Variants in DOCK7 observed in about 807,000 individuals in gnomAD.
The protein encoded by DOCK7 is dedicator of cytokinesis 7, also known as dedicator of cytokinesis protein 7.
In DOCK7, 138 loss-of-function variants were observed where a neutral mutation model predicts 271.0. The ratio of observed to expected loss-of-function variants is 0.51; its 90% CI spans 0.44 to 0.59. The LOEUF is 0.59. Among genes scored for constraint, DOCK7 ranks in the 20% least tolerant of loss-of-function variants. DOCK7 has a pLI of 0.00. For missense variants in DOCK7, 2,066 were observed against 2,592.4 expected, an observed-to-expected ratio of 0.80 and a Z score of 4.41; for synonymous variants, 823 against 876.1, an observed-to-expected ratio of 0.94 and a Z score of 1.07.
chr1:62,601,882 G>A, intron 14 of DOCK7: 1 of 1,591,144 alleles, frequency 6.3e-7, no homozygotes, highest in East Asian at 2.2e-5. Context: ...TGTTATATCA[G>A]GTAAAACCTG....
At chr1:62,687,246 A>G (rs1572026174) in intron 1 of DOCK7, among the ~76,000 whole-genome samples, 2 of 152,254 alleles carry the variant, frequency 1.3e-5, no homozygotes, top group Admixed American at 6.5e-5. Context: ...TGTCTCATAC[A>G]TAAGTATACT....
At chr1:62,533,434 T>G (rs533244903) in intron 29 of DOCK7, among the ~76,000 whole-genome samples, 3 of 95,404 alleles carry the variant, frequency 3.1e-5, no homozygotes, top group East Asian at 9.4e-4. Context: ...CAGATTCCTT[T>G]ATTTATTTTT....
chr1:62,519,473 T>A (rs1360622949), intron 31 of DOCK7, among the ~76,000 whole-genome samples: 4 of 152,164 alleles, frequency 2.6e-5, no homozygotes, highest in Admixed American at 6.5e-5. Context: ...TTTTCATGAC[T>A]GAAAATTTAA....
chr1:62,487,209 C>T lies in DOCK7; in HGVS notation c.5508+189G>A, dbSNP rs749055336. 81 of 523,890 alleles carry T rather than the reference C, an allele frequency of 1.5e-4. No individual in the cohort carries two copies. In the Middle Eastern group the frequency reaches 2.3e-3, roughly 15 times the overall value. 32.5% of individuals were successfully genotyped at this position (523,890 alleles called of 1,614,324 possible). A position where few individuals can be genotyped will look rare whatever the true frequency, so the allele number is the denominator to read the frequency against. On this transcript the variant is annotated intron_variant, in intron 43 of 49. Coordinates refer to ENST00000635253, the MANE Select transcript of DOCK7 (RefSeq NM_001367561.1). ...CATATGGATTTCCATGCACTGCCTACGACCTCATAATAAGATATTTCTTAA... is the reference window on the plus strand; with the variant it reads ...CATATGGATTTCCATGCACTGCCTATGACCTCATAATAAGATATTTCTTAA...
chr1:62,590,149 G>A (rs887242468), intron 14 of DOCK7, among the ~76,000 whole-genome samples: 1 of 152,008 alleles, frequency 6.6e-6, no homozygotes, highest in African/African-American at 2.4e-5. Flanking sequence ...AAATTCAACG[G>A]GATTTAGCAA....
intron 18 of DOCK7, among the ~76,000 whole-genome samples, chr1:62,571,799 G>A (rs904238591): frequency 6.6e-6 from 1 of 152,098 alleles, no homozygotes; most frequent in African/African-American, 2.4e-5. Context: ...AACTAATGCA[G>A]GAACAGAAAA....
In DOCK7 at chr1:62,642,194, C is replaced by T. The variant is rs372273348; in HGVS notation, c.818+5497G>A. On this transcript the variant is annotated intron_variant, in intron 7 of 49. Coordinates refer to ENST00000635253, the MANE Select transcript of DOCK7 (RefSeq NM_001367561.1). Reference sequence around the variant, plus strand: ...TGTGATCTCTACTCACTGAAACCTCCGCCTCCTGGGTTCAAGCGATTCTCC... The same window carrying T: ...TGTGATCTCTACTCACTGAAACCTCTGCCTCCTGGGTTCAAGCGATTCTCC... 5.9e-5 allele frequency among the ~76,000 whole-genome samples: 9 copies of T among 151,616 alleles called. No homozygotes were observed. In the East Asian group the frequency reaches 7.7e-4, roughly 13 times the overall value.
chr1:62,600,935 C>A, intron 14 of DOCK7: 1 of 609,874 alleles, frequency 1.6e-6, no homozygotes, highest in Non-Finnish European at 3.0e-6. Flanking sequence ...TCTGTACAAT[C>A]TGAATAACAC....
chr1:62,510,728 A>G, intron 33 of DOCK7, 55 bp from the exon 34 acceptor site: 1 of 1,327,414 alleles, frequency 7.5e-7, no homozygotes, highest in Non-Finnish European at 1.1e-6. Context: ...TGGACCACAT[A>G]TATGTATACT....
Position 62,494,290 on chromosome 1 carries a change from T to C in DOCK7, c.5202A>G (p.Gly1734=), listed in dbSNP as rs1461119163. The change falls in exon 40 of 50, where the codon GGA becomes GGG. Residue 1734 remains glycine, a synonymous_variant. Coordinates refer to ENST00000635253, the MANE Select transcript of DOCK7 (RefSeq NM_001367561.1). ...AGATTCCTACCTGAAATGTTACACATCCCACAGGAAGATATTTCCGGTCCT... is the reference window on the plus strand; with the variant it reads ...AGATTCCTACCTGAAATGTTACACACCCCACAGGAAGATATTTCCGGTCCT... ...MLEDRKYLPV[G]CVTFQNISSN... is the part of the protein sequence containing the mutation. 2 of 1,592,712 alleles carry C rather than the reference T, an allele frequency of 1.3e-6. No individual in the cohort carries two copies. The highest frequency in any genetic ancestry group is 1.7e-5 in the Admixed American group (1 of 59,438).
rs142725915 is a variant in DOCK7, at chr1:62,520,630, T to C, written c.3937-6732A>G. 6.5e-3 allele frequency among the ~76,000 whole-genome samples: 983 copies of C among 152,202 alleles called. 12 individuals carry two copies. Among genetic ancestry groups the C allele is most frequent in the Middle Eastern group, 0.031 (9 of 292 alleles). ...AGATGCTGGAAAGGATGTGGAGAAA[T>C]AGGAACGCTTTTACACTGTTGGTGG... On this transcript the variant is annotated intron_variant, in intron 31 of 49. Coordinates refer to ENST00000635253, the MANE Select transcript of DOCK7 (RefSeq NM_001367561.1).
chr1:62,603,866 C>T (rs1416765211), intron 14 of DOCK7: 1 of 1,114,888 alleles, frequency 9.0e-7, no homozygotes, highest in Non-Finnish European at 1.3e-6. Flanking sequence ...GGATTCAAGA[C>T]TAAACAACTC....
intron 43 of DOCK7, chr1:62,485,827 C>CA: frequency 2.1e-6 from 1 of 473,314 alleles, no homozygotes; most frequent in Non-Finnish European, 2.8e-6. Context: ...AAAGGAAAAG[C>CA]AAAAAACAAA....
At chr1:62,683,994 C>T (rs1661453287) in intron 1 of DOCK7, among the ~76,000 whole-genome samples, 1 of 151,974 alleles carries the variant, frequency 6.6e-6, no homozygotes, top group Non-Finnish European at 1.5e-5. Context: ...AATCCTAGCA[C>T]TTTGGGAGGC....
chr1:62,674,516 G>A (rs952178281), intron 1 of DOCK7, among the ~76,000 whole-genome samples: 1 of 152,078 alleles, frequency 6.6e-6, no homozygotes, highest in Non-Finnish European at 1.5e-5. Context: ...TTTGAAAAAA[G>A]TAAAAAATTG....
At chr1:62,683,770 AC>A (rs1277783705) in intron 1 of DOCK7, among the ~76,000 whole-genome samples, 1 of 151,990 alleles carries the variant, frequency 6.6e-6, no homozygotes, top group Non-Finnish European at 1.5e-5. Flanking sequence ...ACCCGTCTCT[AC>A]AAAAAGTGCA....
In DOCK7 at chr1:62,544,978, G is replaced by A. The variant is rs61742951; in HGVS notation, c.2828C>T (p.Ser943Phe). The A allele has an allele frequency of 1.9e-4, 287 of 1,549,740 alleles. No individual in the cohort carries two copies. The African/African-American group carries it at 3.2e-3, about 17-fold the overall frequency. ...TGGPKAAPWG[S>F]NPSPSAESTQ... is the part of the protein sequence containing the mutation. ...TGATTCTGCACTTGGACTGGGGTTG[G>A]ATCCCCATGGGGCAGCTTTTGGACC... Residue 943 changes from serine (S) to phenylalanine (F), a missense_variant, in exon 23 of 50, where the codon TCC becomes TTC. Ser to Phe is a radical substitution (Grantham distance 155). This residue lies in a region of DOCK7 where 1,414 missense variants were observed against 1,670.4 expected (regional missense o/e 0.85). Coordinates refer to ENST00000635253, the MANE Select transcript of DOCK7 (RefSeq NM_001367561.1).
rs933373564 is a variant in DOCK7 at position 62,503,874 on chromosome 1, C to T, written c.4764+756G>A. Among the ~76,000 whole-genome samples the T allele has an allele frequency of 4.6e-5, 7 of 151,974 alleles. No homozygotes were observed. In the East Asian group the frequency reaches 1.2e-3, roughly 25 times the overall value. On this transcript the variant is annotated intron_variant, in intron 37 of 49. Coordinates refer to ENST00000635253, the MANE Select transcript of DOCK7 (RefSeq NM_001367561.1). ...CATCCTGGCTAACATGGTGAAACCC[C>T]GTCTCTACTAAAAGTACAAAAAATT...
At chr1:62,529,828 T>C (rs918450500) in intron 29 of DOCK7, among the ~76,000 whole-genome samples, 21 of 152,312 alleles carry the variant, frequency 1.4e-4, no homozygotes, top group African/African-American at 4.8e-4. Context: ...TCAAATCAGA[T>C]CTTTTCACAT....
Sources: allele counts gnomAD v4.1 joint callset (sites outside exome capture counted in the v4.1 genomes callset), GRCh38; gene constraint gnomAD v4.1.1; regional missense constraint gnomAD v4.1.1; transcripts MANE v1.5; gene names NCBI Gene and HGNC (gene_info 2026-07-23, HGNC 2026-07-21).